Variants in POLR3A observed in about 807,000 individuals in gnomAD.
POLR3A encodes the protein RNA polymerase III subunit A, also known as DNA-directed RNA polymerase III subunit RPC1.
POLR3A carries 112 observed loss-of-function variants against 152.8 expected under a neutral mutation model. The ratio of observed to expected loss-of-function variants is 0.73; its 90% confidence interval spans 0.63 to 0.86. The LOEUF (loss-of-function observed/expected upper bound fraction) is 0.86. POLR3A is among the 40% of genes least tolerant of loss of function. The probability of loss-of-function intolerance (pLI) is 0.00; values close to 1 mark genes in which losing one functional copy is unlikely to be tolerated. For synonymous variants in POLR3A, 615 were observed against 652.1 expected (o/e 0.94, Z 0.87); for missense variants, 1,385 against 1,743.1 (o/e 0.79, Z 3.66).
intron 30 of POLR3A, among the ~76,000 whole-genome samples, 199 bp from the exon 31 acceptor site, chr10:77,977,825 T>C (rs887117808): frequency 6.6e-6 from 1 of 152,100 alleles, no homozygotes; most frequent in African/African-American, 2.4e-5. Context: ...TTCTGCACTT[T>C]CAGGGAAGGG....
chr10:77,989,822 C>T (rs996454570), intron 21 of POLR3A, among the ~76,000 whole-genome samples: 1 of 151,920 alleles, frequency 6.6e-6, no homozygotes, highest in Non-Finnish European at 1.5e-5. Flanking sequence ...GAAGAAAAAC[C>T]AAATTACAAC....
intron 15 of POLR3A, 34 bp downstream of exon 15, chr10:78,007,668 G>A: frequency 6.3e-7 from 1 of 1,596,784 alleles, no homozygotes; most frequent in Non-Finnish European, 8.6e-7. Context: ...AACAATTGCA[G>A]CTTTAACTAA....
At chr10:77,988,268 T>C (rs1418256827) in intron 21 of POLR3A, among the ~76,000 whole-genome samples, 1 of 152,182 alleles carries the variant, frequency 6.6e-6, no homozygotes, top group Non-Finnish European at 1.5e-5. Flanking sequence ...ATGCCTGTAA[T>C]CCCAGCACTT....
intron 19 of POLR3A, among the ~76,000 whole-genome samples, chr10:77,994,572 C>T (rs917315234): frequency 2.7e-5 from 4 of 149,096 alleles, no homozygotes; most frequent in Admixed American, 6.7e-5. Flanking sequence ...TGATGGAAGA[C>T]GTAATGAATG....
Position 77,993,058 on chromosome 10 carries a change from A to G in POLR3A, c.2787+139T>C, listed in dbSNP as rs1042824509. The G allele has an allele frequency of 7.7e-6, 6 of 781,908 alleles. No individual in the cohort carries two copies. The African/African-American group carries it at 1.0e-4, about 13-fold the overall frequency. 48.4% of individuals were successfully genotyped at this position (781,908 alleles called of 1,614,324 possible). A position where few individuals can be genotyped will look rare whatever the true frequency, so the allele number is the denominator to read the frequency against. On this transcript the variant is annotated intron_variant, in intron 20 of 30. Coordinates refer to ENST00000372371, the MANE Select transcript of POLR3A (RefSeq NM_007055.4). ...GAAAATTATACAGAGTAACACAAAG[A>G]AAAAAGATACTAATCCAGTGCTTGG...
chr10:78,002,377 T>C, intron 16 of POLR3A, 69 bp from the exon 17 acceptor site: 5 of 1,028,100 alleles, frequency 4.9e-6, no homozygotes, highest in Non-Finnish European at 6.0e-6. Flanking sequence ...ATGTTCAATC[T>C]AACATTTAAA....
At chr10:77,993,520 C>T (rs1847269855) in intron 19 of POLR3A, among the ~76,000 whole-genome samples, 153 bp from the exon 20 acceptor site, 1 of 152,064 alleles carries the variant, frequency 6.6e-6, no homozygotes. Context: ...GTCCTCTCAC[C>T]CCAAGAACAA....
At chr10:77,986,402 C>T (rs1196571480) in intron 21 of POLR3A, among the ~76,000 whole-genome samples, 1 of 152,162 alleles carries the variant, frequency 6.6e-6, no homozygotes, top group African/African-American at 2.4e-5. Flanking sequence ...AGACCTTCTC[C>T]TCCAACTGCT....
intron 11 of POLR3A, among the ~76,000 whole-genome samples, chr10:78,011,454 CAT>C (rs1332702497): frequency 6.6e-6 from 1 of 152,118 alleles, no homozygotes. Flanking sequence ...TGAAAATGCA[CAT>C]GTGTATTTGT....
In POLR3A at chr10:77,984,069, C is replaced by A. The variant is rs892214064; in HGVS notation, c.3337-57G>T. 60 of 1,370,994 alleles carry A rather than the reference C, an allele frequency of 4.4e-5. No homozygotes were observed. In the African/African-American group the frequency reaches 6.7e-4, roughly 15 times the overall value. The allele number at this position is 1,370,994 out of a possible 1,614,324, so 84.9% of individuals were successfully genotyped here. A position where few individuals can be genotyped will look rare whatever the true frequency, so the allele number is the denominator to read the frequency against. ...GCCGCTTTCCCCTTTCCTAAGAGCA[C>A]ACGACTGCTTGCTTTTTTGAAGAGC... is the stretch of plus-strand genomic sequence containing the variant. On this transcript the variant is annotated intron_variant, in intron 25 of 30. Coordinates refer to ENST00000372371, the MANE Select transcript of POLR3A (RefSeq NM_007055.4).
At chr10:78,028,500 G>A (rs1056431296) in intron 1 of POLR3A, among the ~76,000 whole-genome samples, 1 of 152,064 alleles carries the variant, frequency 6.6e-6, no homozygotes, top group Non-Finnish European at 1.5e-5. Flanking sequence ...AGTGTCTGCT[G>A]TAAGAATGAT....
chr10:78,029,511 T>A lies in POLR3A; in HGVS notation c.-104A>T, dbSNP rs996532434. 9.6e-6 allele frequency: 11 copies of A among 1,143,320 alleles called. No homozygotes were observed. Among genetic ancestry groups the A allele is most frequent in the Admixed American group, 1.8e-5 (1 of 55,686 alleles). The allele number at this position is 1,143,320 out of a possible 1,614,324, so 70.8% of individuals were successfully genotyped here. On this transcript the variant is annotated 5_prime_UTR_variant, in exon 1 of 31. The change abolishes an upstream ATG in the 5' untranslated region. Coordinates refer to ENST00000372371, the MANE Select transcript of POLR3A (RefSeq NM_007055.4). ...TGCTTCTGGACTCGCCGCTAACACA[T>A]CTGCGGCATCCTCTCGGCCACCGTA...
intron 30 of POLR3A, 60 bp downstream of exon 30, chr10:77,980,081 C>T (rs1187523120): frequency 6.7e-7 from 1 of 1,503,202 alleles, no homozygotes; most frequent in African/African-American, 1.4e-5. Flanking sequence ...GAAGCCTAGC[C>T]ATGGTCTATT....
intron 11 of POLR3A, chr10:78,013,165 T>C (rs1002097497): frequency 1.6e-4 from 39 of 240,138 alleles, no homozygotes; most frequent in African/African-American, 7.3e-4. Context: ...TTATGTATAA[T>C]ACTGCATCCT....
At chr10:78,024,364 C>G (rs1847608772) in intron 5 of POLR3A, among the ~76,000 whole-genome samples, 185 bp downstream of exon 5, 1 of 138,804 alleles carries the variant, frequency 7.2e-6, no homozygotes, top group Non-Finnish European at 1.5e-5. Context: ...ACTCTGTCTT[C>G]CATCTCAAAA....
intron 1 of POLR3A, among the ~76,000 whole-genome samples, chr10:78,029,124 GC>G (rs1847665443): frequency 6.6e-6 from 1 of 152,122 alleles, no homozygotes; most frequent in Non-Finnish European, 1.5e-5. Context: ...AATCATTAAG[GC>G]TCAGGCCACT....
intron 3 of POLR3A, 112 bp from the exon 4 acceptor site, chr10:78,025,254 A>G (rs1001651908): frequency 9.0e-7 from 1 of 1,116,002 alleles, no homozygotes; most frequent in Non-Finnish European, 1.3e-6. Flanking sequence ...CCATATACAC[A>G]GATCTGCAAA....
chr10:78,027,435 G>A (rs1564624483), intron 1 of POLR3A, among the ~76,000 whole-genome samples: 1 of 152,170 alleles, frequency 6.6e-6, no homozygotes, highest in Non-Finnish European at 1.5e-5. Context: ...CAAGGTGGGT[G>A]GATCACGAGG....
chr10:78,025,401 AT>A (rs1167175342), intron 3 of POLR3A, among the ~76,000 whole-genome samples: 1 of 152,140 alleles, frequency 6.6e-6, no homozygotes, highest in Non-Finnish European at 1.5e-5. Context: ...TACTATTGTT[AT>A]TTTTTTAAGA....
Sources: allele counts gnomAD v4.1 joint callset (sites outside exome capture counted in the v4.1 genomes callset), GRCh38; gene constraint gnomAD v4.1.1; transcripts MANE v1.5; gene names NCBI Gene and HGNC (gene_info 2026-07-23, HGNC 2026-07-21).